Variants in ZNF652 observed in about 807,000 individuals in gnomAD.
The protein encoded by ZNF652 is zinc finger protein 652.
ZNF652 carries 16 observed loss-of-function variants against 45.2 expected under a neutral mutation model. That is an observed-to-expected ratio of 0.35 (90% confidence interval 0.24 to 0.54). The LOEUF (loss-of-function observed/expected upper bound fraction) is 0.54. ZNF652 is among the 20% of genes least tolerant of loss of function. ZNF652 has a pLI of 0.91. For missense variants in ZNF652, 614 were observed against 765.6 expected, an observed-to-expected ratio of 0.80 and a Z score of 2.34; for synonymous variants, 250 against 260.6, an observed-to-expected ratio of 0.96 and a Z score of 0.39.
intron 1 of ZNF652, among the ~76,000 whole-genome samples, chr17:49,336,531 G>A (rs1186938200): frequency 2.6e-5 from 4 of 151,300 alleles, no homozygotes; most frequent in Non-Finnish European, 4.4e-5. Context: ...GTTTCACCAT[G>A]TTGGCCAGGC....
chr17:49,337,985 AT>A (rs2143870307), intron 1 of ZNF652, among the ~76,000 whole-genome samples: 1 of 152,244 alleles, frequency 6.6e-6, no homozygotes, highest in African/African-American at 2.4e-5. Context: ...TGATTGCCAA[AT>A]ACAACAATTT....
At chr17:49,307,626 C>T (rs1383689656) in intron 5 of ZNF652, among the ~76,000 whole-genome samples, 1 of 150,408 alleles carries the variant, frequency 6.6e-6, no homozygotes, top group Non-Finnish European at 1.5e-5. Flanking sequence ...GCAGCATGAG[C>T]CTGTAATCCC....
chr17:49,308,038 T>C (rs1374361925), intron 5 of ZNF652, among the ~76,000 whole-genome samples: 2 of 152,198 alleles, frequency 1.3e-5, no homozygotes, highest in East Asian at 3.8e-4. Context: ...TTGGTCTATA[T>C]GTGTGTTAAG....
At chr17:49,350,085 G>C (rs368155724) in intron 1 of ZNF652, among the ~76,000 whole-genome samples, 1 of 152,144 alleles carries the variant, frequency 6.6e-6, no homozygotes, top group African/African-American at 2.4e-5. Flanking sequence ...AATTAAATAC[G>C]AAGTGTAGTT....
intron 1 of ZNF652, among the ~76,000 whole-genome samples, chr17:49,350,410 G>A (rs948589077): frequency 2.6e-5 from 4 of 151,498 alleles, no homozygotes; most frequent in South Asian, 2.1e-4. Flanking sequence ...GTGGTGATGC[G>A]TGCCTGTAAT....
At chr17:49,323,905 T>C (rs748895050) in intron 1 of ZNF652, among the ~76,000 whole-genome samples, 7 of 152,212 alleles carry the variant, frequency 4.6e-5, no homozygotes, top group Non-Finnish European at 7.3e-5. Flanking sequence ...GCTGAGTAGA[T>C]TTAGCATCAC....
chr17:49,357,298 CAAA>C (rs34846468), intron 1 of ZNF652, among the ~76,000 whole-genome samples: 2 of 140,140 alleles, frequency 1.4e-5, no homozygotes, highest in Non-Finnish European at 3.1e-5. Flanking sequence ...GACTCTGTCT[CAAA>C]AAAAAAAAAA....
chr17:49,311,898 C>T lies in ZNF652; in HGVS notation c.1164+29G>A, dbSNP rs987012865. The T allele has an allele frequency of 3.8e-6, 6 of 1,578,320 alleles. No homozygotes were observed. The African/African-American group carries it at 8.1e-5, about 21-fold the overall frequency. On this transcript the variant is annotated intron_variant, in intron 4 of 5. Transcript: ENST00000430262. ...ATCTATGCAAACACTAGCCCCTAGG[C>T]CTGGGCCTGTAGGTAGCACATTCCT...
At chr17:49,346,490 G>C (rs576474082) in intron 1 of ZNF652, among the ~76,000 whole-genome samples, 10 of 152,344 alleles carry the variant, frequency 6.6e-5, no homozygotes, top group Non-Finnish European at 1.2e-4. Flanking sequence ...GGCAGAGGTT[G>C]CACTGAGCTG....
At chr17:49,355,985 T>A (rs1215478410) in intron 1 of ZNF652, among the ~76,000 whole-genome samples, 1 of 152,140 alleles carries the variant, frequency 6.6e-6, no homozygotes, top group Non-Finnish European at 1.5e-5. Context: ...CCTCTTTATT[T>A]AAGGATAAAA....
At chr17:49,303,642 G>T (rs1308729560) in intron 5 of ZNF652, among the ~76,000 whole-genome samples, 2 of 152,040 alleles carry the variant, frequency 1.3e-5, no homozygotes, top group Admixed American at 6.6e-5. Context: ...TGTGACTTCA[G>T]AGTTAGTATT....
In ZNF652 at chr17:49,342,575, C is replaced by T. The variant is rs566256472; in HGVS notation, c.-259+19334G>A. ...ATAAAGGGGGGGGGGGGGGGGGAAT[C>T]AATACATTTTCATGCTACAACATAT... On this transcript the variant is annotated intron_variant, in intron 1 of 5. Coordinates refer to ENST00000430262, the MANE Select transcript of ZNF652 (RefSeq NM_001145365.3). 2.3e-4 allele frequency among the ~76,000 whole-genome samples: 26 copies of T among 112,290 alleles called. No individual in the cohort carries two copies. The Admixed American group carries it at 2.3e-3, about 10-fold the overall frequency. The allele number at this position is 112,290 out of a possible 152,430, so 73.7% of individuals were successfully genotyped here. A position where few individuals can be genotyped will look rare whatever the true frequency, so the allele number is the denominator to read the frequency against.
intron 1 of ZNF652, among the ~76,000 whole-genome samples, chr17:49,327,779 A>ATATT (rs2069980619): frequency 2.4e-4 from 1 of 4,110 alleles, no homozygotes; most frequent in Non-Finnish European, 6.4e-4. Context: ...ATATATATAT[A>ATATT]TTTTTTTTTT....
chr17:49,313,219 G>C (rs556239046), intron 2 of ZNF652, among the ~76,000 whole-genome samples: 2 of 152,012 alleles, frequency 1.3e-5, no homozygotes, highest in Admixed American at 1.3e-4. Context: ...GCAGTGGCGC[G>C]ATCTAGGCTC....
At chr17:49,327,752 TATATATATATATATATATATATATATA>T (rs1172116524) in intron 1 of ZNF652, among the ~76,000 whole-genome samples, 79 of 5,014 alleles carry the variant, frequency 0.016, 3 homozygotes, top group East Asian at 0.12. Flanking sequence ...TATATATATA[TATATATATATATATATATATATATATA>T]TTTTTTTTTT....
At chr17:49,332,791 T>C (rs1368101020) in intron 1 of ZNF652, among the ~76,000 whole-genome samples, 1 of 152,320 alleles carries the variant, frequency 6.6e-6, no homozygotes, top group African/African-American at 2.4e-5. Context: ...GTAGTATATA[T>C]TTACTTAGAC....
chr17:49,306,401 T>C (rs772555310), intron 5 of ZNF652, among the ~76,000 whole-genome samples: 84 of 152,336 alleles, frequency 5.5e-4, no homozygotes, highest in Non-Finnish European at 8.1e-4. Context: ...TCAGCAAGGA[T>C]TTTATTTACA....
At chr17:49,323,997 C>T (rs1009793148) in intron 1 of ZNF652, among the ~76,000 whole-genome samples, 16 of 152,310 alleles carry the variant, frequency 1.1e-4, no homozygotes, top group African/African-American at 3.9e-4. Flanking sequence ...TAGCCCCTAG[C>T]AAGAGAGTCA....
At chr17:49,301,561 G>C (rs1018109797) in intron 5 of ZNF652, among the ~76,000 whole-genome samples, 1 of 151,398 alleles carries the variant, frequency 6.6e-6, no homozygotes, top group African/African-American at 2.4e-5. Flanking sequence ...GCCTCCCAAA[G>C]TGCTGGGATT....
Sources: gnomAD v4.1 joint callset for allele counts (sites outside exome capture counted in the v4.1 genomes callset) on GRCh38, gnomAD v4.1.1 for gene constraint, MANE v1.5 for transcripts, NCBI Gene and HGNC (gene_info 2026-07-23, HGNC 2026-07-21) for gene names.